The following PCDHA1 variants were observed in gnomAD, a reference collection of about 807,000 sequenced individuals.
The protein encoded by PCDHA1 is protocadherin alpha-1.
PCDHA1 carries 42 observed loss-of-function variants against 61.3 expected under a neutral mutation model. The observed-to-expected ratio is 0.69, with a 90% CI of 0.54 to 0.89. The LOEUF (loss-of-function observed/expected upper bound fraction) is 0.89. Among genes scored for constraint, PCDHA1 ranks in the 40% least tolerant of loss-of-function variants. The pLI is 0.00. For synonymous variants in PCDHA1, 610 were observed against 553.8 expected (o/e 1.10, Z -1.43); for missense variants, 1,256 against 1,235.3 (o/e 1.02, Z -0.25).
At chr5:140,862,667 AG>A in intron 1 of PCDHA1, 1 of 548,534 alleles carries the variant, frequency 1.8e-6, no homozygotes, top group Admixed American at 1.9e-5. Context: ...CGGGACGCGC[AG>A]GAGAACGTGC....
chr5:140,803,131 A>G (rs781861660), intron 1 of PCDHA1: 1 of 1,613,846 alleles, frequency 6.2e-7, no homozygotes, highest in South Asian at 1.1e-5. Flanking sequence ...GCCCCGCGCC[A>G]TCGCCTACTG....
intron 1 of PCDHA1, chr5:140,968,986 A>C (rs143656335): frequency 6.8e-6 from 11 of 1,614,206 alleles, no homozygotes; most frequent in East Asian, 6.7e-5. Context: ...ATGGCACTGC[A>C]TGCTGTGGAG....
At position 140,925,553 on chromosome 5, in the gene PCDHA1, A is replaced by G. The variant is rs183194732; in HGVS notation, c.2395-53396A>G. 8.0e-3 allele frequency among the ~76,000 whole-genome samples: 1,211 copies of G among 152,074 alleles called. 7 individuals carry two copies. The highest frequency in any genetic ancestry group is 0.019 in the African/African-American group (785 of 41,482). On this transcript the variant is annotated intron_variant, in intron 1 of 3. Transcript: ENST00000504120. The stretch of plus-strand genomic sequence containing the variant: ...AGGAGAAATACCTAATGTAAATGAC[A>G]AGTTAATGGGTGCAGCACACCAACA...
intron 1 of PCDHA1, chr5:140,813,350 AG>A (rs1490272053): frequency 6.6e-6 from 1 of 152,368 alleles, no homozygotes; most frequent in Non-Finnish European, 1.5e-5. Context: ...AAACCTAGAT[AG>A]TATAGCCTAC....
intron 1 of PCDHA1, chr5:140,807,068 A>G: frequency 1.7e-6 from 2 of 1,162,074 alleles, no homozygotes; most frequent in African/African-American, 1.5e-5. Flanking sequence ...GGAAGGAACC[A>G]TATACACTCT....
chr5:140,869,415 C>T (rs1444507177), intron 1 of PCDHA1: 2 of 1,614,216 alleles, frequency 1.2e-6, no homozygotes, highest in South Asian at 1.1e-5. Context: ...AGTGCAGCAT[C>T]CACCTGGAGG....
chr5:140,892,580 A>C (rs1462175198), intron 1 of PCDHA1, among the ~76,000 whole-genome samples: 2 of 152,198 alleles, frequency 1.3e-5, no homozygotes, highest in Admixed American at 1.3e-4. Context: ...AGTATATCTC[A>C]GTATTCATTC....
In PCDHA1 at chr5:140,787,795, G is replaced by A. The variant is rs1761402574; in HGVS notation, c.1505G>A (p.Arg502His). Residue 502 changes from arginine (R) to histidine (H), a missense_variant, in exon 1 of 4, where the codon CGC becomes CAC. Physicochemically the swap from Arg to His is conservative, Grantham distance 29 (BLOSUM62 0). Transcript: ENST00000504120. ...CTGGTGGAACGGCGGGTGGGCGAGC[G>A]CGCGCTGTCGAACTACGTGTCAGTG... Reference protein sequence around the residue: ...YSLVERRVGERALSNYVSVHA... With the variant: ...YSLVERRVGEHALSNYVSVHA... 6.2e-7 allele frequency: 1 copy of A among 1,612,404 alleles called. No individual in the cohort carries two copies. The highest frequency in any genetic ancestry group is 1.1e-5 in the South Asian group (1 of 91,006).
chr5:140,844,012 A>G (rs2150368214), intron 1 of PCDHA1, among the ~76,000 whole-genome samples: 3 of 149,698 alleles, frequency 2.0e-5, no homozygotes, highest in African/African-American at 7.3e-5. Flanking sequence ...TACTCTAAGG[A>G]CGTTCAGGGC....
chr5:140,948,150 T>C (rs1477987526), intron 1 of PCDHA1, among the ~76,000 whole-genome samples: 2 of 151,642 alleles, frequency 1.3e-5, no homozygotes, highest in Non-Finnish European at 3.0e-5. Flanking sequence ...TTTTTGAATG[T>C]TGGAAAAAAC....
intron 1 of PCDHA1, chr5:140,884,016 G>C (rs143828814): frequency 1.2e-6 from 2 of 1,613,208 alleles, no homozygotes; most frequent in Non-Finnish European, 8.5e-7. Flanking sequence ...CTGATGCCGC[G>C]GTCGGTGGGT....
intron 1 of PCDHA1, among the ~76,000 whole-genome samples, chr5:140,943,705 C>T (rs528361276): frequency 1.6e-4 from 25 of 152,150 alleles, no homozygotes; most frequent in Middle Eastern, 3.4e-3. Context: ...TATTGTGGAA[C>T]ACATTTAAAG....
rs1336398509 is a variant in PCDHA1 at position 140,898,765 on chromosome 5, G to A, written c.2395-80184G>A. On this transcript the variant is annotated intron_variant, in intron 1 of 3. Transcript: ENST00000504120. ...GCTTGATGGGGATGGCATTGAATCT[G>A]TAAATTACCTTGGGCAGTATGGCCA... 8.0e-3 allele frequency among the ~76,000 whole-genome samples: 1,218 copies of A among 151,752 alleles called. 6 individuals are homozygous for A. The highest frequency in any genetic ancestry group is 0.019 in the African/African-American group (786 of 41,220).
At chr5:140,835,757 C>G (rs1467581889) in intron 1 of PCDHA1, 5 of 1,613,396 alleles carry the variant, frequency 3.1e-6, no homozygotes, top group African/African-American at 1.3e-5. Context: ...TCGCGCAGCC[C>G]GAGTATACGG....
rs782214418 is a variant in PCDHA1 at position 140,809,161 on chromosome 5, G to T, written c.2394+20477G>T. The T allele has an allele frequency of 1.9e-6, 3 of 1,613,834 alleles. No individual in the cohort carries two copies. The African/African-American group carries it at 4.0e-5, about 22-fold the overall frequency. On this transcript the variant is annotated intron_variant, in intron 1 of 3. Coordinates refer to ENST00000504120, the MANE Select transcript of PCDHA1 (RefSeq NM_018900.4). ...TGGTGAAGGACCACGGCGAGCCCGC[G>T]CTGACGGCCACGGCCACTGTGCTGG... is the stretch of plus-strand genomic sequence containing the variant.
intron 1 of PCDHA1, chr5:140,808,489 G>T: frequency 2.5e-6 from 4 of 1,614,158 alleles, no homozygotes; most frequent in East Asian, 2.2e-5. Context: ...GCTCGCCTTC[G>T]CTGTGGGCCA....
chr5:140,847,454 A>C (rs1187460467), intron 1 of PCDHA1: 1 of 149,898 alleles, frequency 6.7e-6, no homozygotes, highest in Non-Finnish European at 1.5e-5. Flanking sequence ...ATCTAGATTT[A>C]ATTAATCGAC....
intron 1 of PCDHA1, among the ~76,000 whole-genome samples, chr5:140,932,458 G>T (rs1316450984): frequency 6.6e-6 from 1 of 151,710 alleles, no homozygotes; most frequent in African/African-American, 2.4e-5. Flanking sequence ...TTTTGCCAGG[G>T]TATATAGGAA....
intron 1 of PCDHA1, chr5:140,883,678 G>C: frequency 1.2e-6 from 2 of 1,613,902 alleles, no homozygotes; most frequent in Non-Finnish European, 1.7e-6. Context: ...ACAATCCGCC[G>C]GGCTGCCACA....
Sources: gnomAD v4.1 joint callset for allele counts (sites outside exome capture counted in the v4.1 genomes callset) on GRCh38, gnomAD v4.1.1 for gene constraint, MANE v1.5 for transcripts, NCBI Gene and HGNC (gene_info 2026-07-23, HGNC 2026-07-21) for gene names.